TXNL4A: variants seen among roughly 807,000 people sequenced by gnomAD.
TXNL4A encodes thioredoxin-like protein 4A.
Under a neutral mutation model 14.6 loss-of-function variants are expected in TXNL4A, and 17 were observed. The ratio of observed to expected loss-of-function variants is 1.16; its 90% CI spans 0.80 to 1.74. The LOEUF (loss-of-function observed/expected upper bound fraction) is 1.74. Ranked by LOEUF, TXNL4A falls within the 40% of genes most tolerant of loss-of-function variation. TXNL4A has a pLI of 0.00. For synonymous variants in TXNL4A, 83 were observed against 70.6 expected (o/e 1.18, Z -0.88); for missense variants, 74 against 195.2 (o/e 0.38, Z 3.70).
At chr18:80,008,069 T>C (rs1270801495) in intron 1 of TXNL4A, among the ~76,000 whole-genome samples, 3 of 152,166 alleles carry the variant, frequency 2.0e-5, no homozygotes, top group Non-Finnish European at 4.4e-5. Flanking sequence ...GGAGGATCGC[T>C]TGAACCCAGG....
At chr18:79,974,392 C>A (rs558234168) in intron 2 of TXNL4A, among the ~76,000 whole-genome samples, 1 of 152,318 alleles carries the variant, frequency 6.6e-6, no homozygotes, top group South Asian at 2.1e-4. Flanking sequence ...GTAGATAATT[C>A]TTTACTTATC....
intron 1 of TXNL4A, among the ~76,000 whole-genome samples, chr18:79,999,195 C>A (rs1207041990): frequency 6.6e-6 from 1 of 152,134 alleles, no homozygotes; most frequent in African/African-American, 2.4e-5. Context: ...GGATATTTAG[C>A]CTCCTCAGGG....
chr18:80,006,905 T>C lies in TXNL4A; in HGVS notation c.-61+26946A>G, dbSNP rs114470878. Among the ~76,000 whole-genome samples the C allele has an allele frequency of 1.3e-3, 197 of 152,324 alleles. 2 individuals are homozygous for C. The highest frequency in any genetic ancestry group is 4.6e-3 in the African/African-American group (190 of 41,574). On this transcript the variant is annotated intron_variant, in intron 1 of 2. Transcript: ENST00000585474. ...CTCATCCTTTTATTATGCAAATCTTTTTATGCAAATGGAGTCTCTACGCGC... is the reference window on the plus strand; with the variant it reads ...CTCATCCTTTTATTATGCAAATCTTCTTATGCAAATGGAGTCTCTACGCGC...
intron 1 of TXNL4A, among the ~76,000 whole-genome samples, chr18:79,997,313 G>T (rs1233197755): frequency 6.6e-6 from 1 of 151,754 alleles, no homozygotes; most frequent in Non-Finnish European, 1.5e-5. Flanking sequence ...TGTCATCCAA[G>T]ATTAACTGAA....
At chr18:80,002,156 T>C (rs1252302056) in intron 1 of TXNL4A, among the ~76,000 whole-genome samples, 4 of 152,208 alleles carry the variant, frequency 2.6e-5, no homozygotes, top group Admixed American at 6.5e-5. Flanking sequence ...AACCCTTTCA[T>C]GTGGCTCTCA....
At chr18:80,029,623 T>C (rs2051908393) in intron 1 of TXNL4A, among the ~76,000 whole-genome samples, 2 of 152,212 alleles carry the variant, frequency 1.3e-5, no homozygotes, top group Non-Finnish European at 1.5e-5. Flanking sequence ...ATTTCCATTG[T>C]GCCTACCATC....
chr18:80,026,889 C>T (rs1270278482), intron 1 of TXNL4A, among the ~76,000 whole-genome samples: 1 of 152,032 alleles, frequency 6.6e-6, no homozygotes, highest in Non-Finnish European at 1.5e-5. Flanking sequence ...AAAATAATGT[C>T]CTGACAATGT....
chr18:79,988,106 A>T, intron 1 of TXNL4A, 134 bp downstream of exon 1: 1 of 1,097,278 alleles, frequency 9.1e-7, no homozygotes, highest in Non-Finnish European at 1.2e-6. Flanking sequence ...CAGCGAGGGG[A>T]GGAATCGCCT....
At chr18:80,013,373 G>A (rs900175203) in intron 1 of TXNL4A, among the ~76,000 whole-genome samples, 4 of 151,310 alleles carry the variant, frequency 2.6e-5, no homozygotes, top group African/African-American at 4.9e-5. Flanking sequence ...CCCCCGCCTC[G>A]GCCTCCCAAA....
intron 1 of TXNL4A, among the ~76,000 whole-genome samples, chr18:80,024,486 G>A (rs1210581766): frequency 6.6e-6 from 1 of 152,016 alleles, no homozygotes; most frequent in Non-Finnish European, 1.5e-5. Context: ...GTGTGTGTGT[G>A]TATGTGTATA....
At chr18:80,004,944 A>G (rs2051720065) in intron 1 of TXNL4A, among the ~76,000 whole-genome samples, 2 of 152,258 alleles carry the variant, frequency 1.3e-5, no homozygotes, top group South Asian at 4.1e-4. Flanking sequence ...AATCAGGACA[A>G]CTAACATTAG....
chr18:80,028,241 G>GTT (rs1467666200), intron 1 of TXNL4A, among the ~76,000 whole-genome samples: 1 of 149,304 alleles, frequency 6.7e-6, no homozygotes, highest in African/African-American at 2.5e-5. Context: ...TGTGAGAGCA[G>GTT]TAGCAACCAT....
chr18:80,021,541 A>T (rs2051849267), intron 1 of TXNL4A, among the ~76,000 whole-genome samples: 1 of 152,160 alleles, frequency 6.6e-6, no homozygotes, highest in Admixed American at 6.5e-5. Context: ...ATGCAGAAAA[A>T]GGCACTTGTT....
rs759849843 is a variant in TXNL4A, at chr18:79,970,913, T to C, written c.*2772A>G. On this transcript the variant is annotated 3_prime_UTR_variant, in exon 3 of 3. Transcript: ENST00000269601. ...TCCACCAATTATGCAATTGACAGAA[T>C]TGTACCATTATCACAATCTTAGGGC... 7 of 159,506 alleles carry C rather than the reference T, an allele frequency of 4.4e-5. No individual in the cohort carries two copies. The highest frequency in any genetic ancestry group is 5.6e-5 in the Non-Finnish European group (4 of 71,940). 9.9% of individuals were successfully genotyped at this position (159,506 alleles called of 1,614,324 possible). A position where few individuals can be genotyped will look rare whatever the true frequency, so the allele number is the denominator to read the frequency against.
chr18:79,975,262 T>C (rs554512059), intron 2 of TXNL4A, among the ~76,000 whole-genome samples: 1 of 152,234 alleles, frequency 6.6e-6, no homozygotes, highest in East Asian at 1.9e-4. Flanking sequence ...TCCTGTCTTA[T>C]CTGACATTAG....
upstream of TXNL4A, among the ~76,000 whole-genome samples, chr18:79,993,493 G>GAAAGAAAAGA (rs2051641171): frequency 6.6e-6 from 1 of 152,178 alleles, no homozygotes; most frequent in African/African-American, 2.4e-5. The surrounding 1 kb of genome is among the most constrained non-coding windows in gnomAD (Gnocchi z 4.4). Context: ...ACTAAAGTTA[G>GAAAGAAAAGA]CATGAACAAC....
intron 1 of TXNL4A, among the ~76,000 whole-genome samples, chr18:80,031,944 T>G (rs2051924099): frequency 6.6e-6 from 1 of 152,236 alleles, no homozygotes; most frequent in Admixed American, 6.5e-5. Flanking sequence ...ATCTGTCCTG[T>G]TTTTGCTTAT....
intron 1 of TXNL4A, among the ~76,000 whole-genome samples, chr18:80,027,105 A>G (rs2051889590): frequency 6.6e-6 from 1 of 152,150 alleles, no homozygotes; most frequent in South Asian, 2.1e-4. Flanking sequence ...TTACGGTCTC[A>G]GTCAAATACA....
upstream of TXNL4A, among the ~76,000 whole-genome samples, chr18:79,990,526 A>T (rs1275849846): frequency 6.6e-6 from 1 of 152,188 alleles, no homozygotes; most frequent in Non-Finnish European, 1.5e-5. Flanking sequence ...CTGAGCCCTT[A>T]CTAAGGTCAG....
Sources: gnomAD v4.1 joint callset for allele counts (sites outside exome capture counted in the v4.1 genomes callset) on GRCh38, gnomAD v4.1.1 for gene constraint, Gnocchi (gnomAD v3.1) non-coding constraint, MANE v1.5 for transcripts, NCBI Gene and HGNC (gene_info 2026-07-23, HGNC 2026-07-21) for gene names.